CNTN6: variants seen among roughly 807,000 people sequenced by gnomAD.
CNTN6 encodes the protein contactin 6, also known as contactin-6.
Under a neutral mutation model 122.8 loss-of-function variants are expected in CNTN6, and 137 were observed. The observed-to-expected ratio is 1.12, with a 90% CI of 0.97 to 1.29. The LOEUF is 1.29. Ranked by LOEUF, CNTN6 falls within the 50% of genes most tolerant of loss-of-function variation. The pLI is 0.00. For missense variants in CNTN6, 1,634 were observed against 1,223.4 expected (o/e 1.34, Z -5.01); for synonymous variants, 570 against 426.0 (o/e 1.34, Z -4.16).
intron 12 of CNTN6, among the ~76,000 whole-genome samples, chr3:1,363,582 ATGG>A (rs1316136209): frequency 6.6e-6 from 1 of 151,882 alleles, no homozygotes; most frequent in Non-Finnish European, 1.5e-5. Flanking sequence ...ATTGTTGCAA[ATGG>A]TAGTATCTCC....
chr3:1,163,880 T>C (rs907274557), intron 2 of CNTN6, among the ~76,000 whole-genome samples: 1 of 152,212 alleles, frequency 6.6e-6, no homozygotes, highest in South Asian at 2.1e-4. Context: ...CTGTAATCAA[T>C]GGATTCATCT....
intron 2 of CNTN6, among the ~76,000 whole-genome samples, chr3:1,173,037 T>C (rs985371414): frequency 6.6e-6 from 1 of 152,190 alleles, no homozygotes; most frequent in Non-Finnish European, 1.5e-5. Flanking sequence ...CTCAGCACTA[T>C]TTATATCACA....
chr3:1,362,213 C>T (rs576751883), intron 12 of CNTN6, among the ~76,000 whole-genome samples: 144 of 152,134 alleles, frequency 9.5e-4, no homozygotes, highest in African/African-American at 2.1e-3. Flanking sequence ...TAAATCTTCC[C>T]GGTACAAATA....
chr3:1,116,285 A>C (rs902398697), intron 1 of CNTN6, among the ~76,000 whole-genome samples: 2 of 152,142 alleles, frequency 1.3e-5, no homozygotes, highest in African/African-American at 4.8e-5. Context: ...GCTTCAAAGA[A>C]ATAACTCTAG....
chr3:1,136,787 G>A (rs565037087), intron 1 of CNTN6, among the ~76,000 whole-genome samples: 16 of 152,152 alleles, frequency 1.1e-4, no homozygotes, highest in Middle Eastern at 3.2e-3. Flanking sequence ...ATGGACTCAG[G>A]ATTCTGATGA....
At chr3:1,099,997 T>A (rs1476631742) in intron 1 of CNTN6, among the ~76,000 whole-genome samples, 1 of 152,200 alleles carries the variant, frequency 6.6e-6, no homozygotes, top group African/African-American at 2.4e-5. Flanking sequence ...AATGACTTGT[T>A]TAAATTTACT....
At chr3:1,352,197 G>A (rs1656834090) in intron 11 of CNTN6, 127 bp from the exon 12 acceptor site, 1 of 783,128 alleles carries the variant, frequency 1.3e-6, no homozygotes, top group East Asian at 3.1e-5. Context: ...AGAATAATAG[G>A]AAAGGAAAAA....
At chr3:1,330,997 G>A (rs1038194518) in intron 11 of CNTN6, among the ~76,000 whole-genome samples, 2 of 151,852 alleles carry the variant, frequency 1.3e-5, no homozygotes, top group Admixed American at 6.6e-5. Context: ...CCAGAAAAAA[G>A]TAGCCATAGG....
At chr3:1,330,110 TATAAA>T (rs1178126498) in intron 11 of CNTN6, among the ~76,000 whole-genome samples, 175 bp downstream of exon 11, 2 of 151,922 alleles carry the variant, frequency 1.3e-5, no homozygotes, top group Non-Finnish European at 2.9e-5. Flanking sequence ...AAAAGGATCT[TATAAA>T]ATAAAGACCT....
chr3:1,307,886 G>T (rs537700498), intron 7 of CNTN6, among the ~76,000 whole-genome samples: 3 of 152,078 alleles, frequency 2.0e-5, no homozygotes, highest in Non-Finnish European at 4.4e-5. Context: ...AATGATTTAT[G>T]ACAGATGATG....
intron 16 of CNTN6, among the ~76,000 whole-genome samples, chr3:1,374,807 T>C (rs1709622422): frequency 6.6e-6 from 1 of 152,208 alleles, no homozygotes; most frequent in Non-Finnish European, 1.5e-5. Context: ...CTTATTAAAG[T>C]GTGCACAATT....
intron 1 of CNTN6, among the ~76,000 whole-genome samples, chr3:1,102,452 C>T (rs922594372): frequency 5.9e-5 from 9 of 152,322 alleles, no homozygotes; most frequent in Non-Finnish European, 1.2e-4. Flanking sequence ...ACAGTCCTGC[C>T]GGGCGCGGTG....
intron 1 of CNTN6, among the ~76,000 whole-genome samples, chr3:1,099,203 G>A (rs1315160649): frequency 6.6e-6 from 1 of 152,100 alleles, no homozygotes. Context: ...TGTAATCCCA[G>A]CACTTTGGGA....
At chr3:1,366,807 A>G (rs546015285) in intron 12 of CNTN6, among the ~76,000 whole-genome samples, 1 of 152,120 alleles carries the variant, frequency 6.6e-6, no homozygotes, top group Admixed American at 6.5e-5. Context: ...AGCAGTTAAA[A>G]TGTTCTTGTC....
chr3:1,291,262 A>G (rs1695271331), intron 5 of CNTN6, among the ~76,000 whole-genome samples: 1 of 152,144 alleles, frequency 6.6e-6, no homozygotes, highest in Non-Finnish European at 1.5e-5. Context: ...AATCTTCCCT[A>G]TTTCTGGATT....
chr3:1,178,470 AT>A (rs1405170919), intron 2 of CNTN6, among the ~76,000 whole-genome samples: 5 of 152,078 alleles, frequency 3.3e-5, no homozygotes, highest in African/African-American at 1.2e-4. Flanking sequence ...CTGATGATGC[AT>A]ATTGTCTGTG....
At chr3:1,210,336 G>GTAAAA (rs1053946920) in intron 2 of CNTN6, among the ~76,000 whole-genome samples, 10 of 151,340 alleles carry the variant, frequency 6.6e-5, no homozygotes, top group Non-Finnish European at 4.4e-5. Flanking sequence ...AAGAAAATTG[G>GTAAAA]TAAAAGATAA....
Position 1,373,611 on chromosome 3 carries a change from A to G in CNTN6, c.1794A>G (p.Pro598=). 6.2e-7 allele frequency: 1 copy of G among 1,610,998 alleles called. No individual in the cohort carries two copies. The highest frequency in any genetic ancestry group is 8.5e-7 in the Non-Finnish European group (1 of 1,178,558). Residue 598 remains proline, a synonymous_variant, in exon 15 of 23, where the codon CCA becomes CCG. Transcript: ENST00000446702. Reference sequence around the variant, plus strand: ...TAAAACATTTTTTTCAAGGTCCACCAGGTCCTCCTGAGGATGTGCAAGTGG... The same window carrying G: ...TAAAACATTTTTTTCAAGGTCCACCGGGTCCTCCTGAGGATGTGCAAGTGG... ...AVADIIVRGP[P]GPPEDVQVED... is the part of the protein sequence containing the mutation.
At chr3:1,245,559 T>G (rs938932359) in intron 4 of CNTN6, among the ~76,000 whole-genome samples, 106 of 150,414 alleles carry the variant, frequency 7.0e-4, no homozygotes, top group African/African-American at 2.4e-3. Context: ...TGGTGAGGGA[T>G]AAAAGATTAC....
Sources: allele counts gnomAD v4.1 joint callset (sites outside exome capture counted in the v4.1 genomes callset), GRCh38; gene constraint gnomAD v4.1.1; transcripts MANE v1.5; gene names NCBI Gene and HGNC (gene_info 2026-07-23, HGNC 2026-07-21).